The following EPCIP variants were observed in gnomAD, a reference collection of about 807,000 sequenced individuals.
EPCIP encodes exosomal polycystin 1 interacting protein, also known as exosomal polycystin-1-interacting protein.
the EPCIP span, among the ~76,000 whole-genome samples, chr21:32,804,423 G>A: frequency 6.6e-6 from 1 of 151,758 alleles, no homozygotes; most frequent in Admixed American, 6.6e-5. Flanking sequence ...TAGGATTATA[G>A]GCATGAGCCA....
chr21:32,793,990 G>A, the EPCIP span: 52 of 1,614,024 alleles, frequency 3.2e-5, no homozygotes, highest in Admixed American at 1.5e-4. Context: ...TGTCCCCACC[G>A]CTATGGATGA....
the EPCIP span, chr21:32,794,137 G>C: frequency 1.2e-6 from 2 of 1,614,144 alleles, no homozygotes; most frequent in African/African-American, 2.7e-5. Flanking sequence ...CCAGCGTGAA[G>C]TTCAGCAGGT....
the EPCIP span, among the ~76,000 whole-genome samples, chr21:32,809,222 T>TGTGTGA: frequency 2.0e-5 from 3 of 149,578 alleles, no homozygotes; most frequent in East Asian, 2.0e-4. Context: ...TGTGTGTGTG[T>TGTGTGA]GATGTCTCAC....
the EPCIP span, among the ~76,000 whole-genome samples, chr21:32,799,900 C>A: frequency 6.6e-6 from 1 of 152,206 alleles, no homozygotes; most frequent in African/African-American, 2.4e-5. Context: ...CGAGATCGCA[C>A]CACTGCACTC....
the EPCIP span, among the ~76,000 whole-genome samples, chr21:32,793,196 A>C: frequency 1.2e-3 from 190 of 152,184 alleles, no homozygotes; most frequent in African/African-American, 4.3e-3. Context: ...ACCTCAGGTG[A>C]TCCGCCCGCC....
At chr21:32,806,191 T>C in the EPCIP span, among the ~76,000 whole-genome samples, 1 of 152,148 alleles carries the variant, frequency 6.6e-6, no homozygotes, top group Non-Finnish European at 1.5e-5. Context: ...AAGGGTGACA[T>C]TGAGTGGTGG....
At chr21:32,798,544 C>G in the EPCIP span, 1 of 152,326 alleles carries the variant, frequency 6.6e-6, no homozygotes, top group African/African-American at 2.4e-5. Context: ...TAGTTTCTCT[C>G]AAGTACCCCT....
the EPCIP span, among the ~76,000 whole-genome samples, chr21:32,808,997 A>C: frequency 2.6e-5 from 4 of 152,168 alleles, no homozygotes; most frequent in African/African-American, 9.7e-5. Context: ...GTGTCTAGGC[A>C]CAACTCCAAA....
the EPCIP span, among the ~76,000 whole-genome samples, chr21:32,804,633 C>A: frequency 6.6e-6 from 1 of 151,992 alleles, no homozygotes; most frequent in African/African-American, 2.4e-5. Context: ...GTAACTGGTT[C>A]ATTTAATGCA....
the EPCIP span, chr21:32,796,930 CTG>C: frequency 2.1e-6 from 1 of 469,178 alleles, no homozygotes; most frequent in Non-Finnish European, 4.4e-6. Flanking sequence ...GTCTGCCTCC[CTG>C]TTTCAGGTGC....
the EPCIP span, among the ~76,000 whole-genome samples, chr21:32,809,605 G>A: frequency 6.6e-5 from 10 of 151,936 alleles, no homozygotes; most frequent in South Asian, 2.1e-4. Flanking sequence ...CTGGCCTCAA[G>A]AGATCTTCCC....
At chr21:32,810,382 A>G in the EPCIP span, among the ~76,000 whole-genome samples, 1 of 144,268 alleles carries the variant, frequency 6.9e-6, no homozygotes, top group African/African-American at 2.6e-5. Context: ...CAGCCTCCAG[A>G]GTAGCTGGGA....
the EPCIP span, among the ~76,000 whole-genome samples, chr21:32,792,038 G>C: frequency 6.6e-6 from 1 of 151,968 alleles, no homozygotes; most frequent in Non-Finnish European, 1.5e-5. Flanking sequence ...CTGAGTAGCT[G>C]GGATTACAGG....
the EPCIP span, chr21:32,794,049 G>A: frequency 6.2e-7 from 1 of 1,614,186 alleles, no homozygotes; most frequent in Non-Finnish European, 8.5e-7. Context: ...TTGATGCGCA[G>A]CCTCTTCAGA....
chr21:32,809,041 T>C, the EPCIP span, among the ~76,000 whole-genome samples: 2 of 151,476 alleles, frequency 1.3e-5, no homozygotes, highest in Non-Finnish European at 2.9e-5. Context: ...ACAGAGAAGA[T>C]TCTTTTTTTG....
At chr21:32,811,140 T>C in the EPCIP span, among the ~76,000 whole-genome samples, 1 of 143,584 alleles carries the variant, frequency 7.0e-6, no homozygotes, top group Non-Finnish European at 1.5e-5. Flanking sequence ...CCCCCTCCCC[T>C]TTTTTTTTTA....
At chr21:32,791,734 GAA>G in the EPCIP span, among the ~76,000 whole-genome samples, 13 of 130,402 alleles carry the variant, frequency 1.0e-4, no homozygotes, top group Admixed American at 1.6e-4. Context: ...AAGGTTAAGT[GAA>G]AAAAAAAAAA....
chr21:32,812,957 A>G, the EPCIP span, among the ~76,000 whole-genome samples: 2 of 152,162 alleles, frequency 1.3e-5, no homozygotes, highest in Non-Finnish European at 2.9e-5. Flanking sequence ...AAAAACACGA[A>G]CTATCCAATC....
chr21:32,796,861 C>G, the EPCIP span: 1 of 411,042 alleles, frequency 2.4e-6, no homozygotes, highest in African/African-American at 2.1e-5. Context: ...CTGACCCTAG[C>G]CTTAAAAGAA....
Sources: gnomAD v4.1 joint callset for allele counts (sites outside exome capture counted in the v4.1 genomes callset) on GRCh38, gnomAD v4.1.1 for gene constraint, MANE v1.5 for transcripts, NCBI Gene and HGNC (gene_info 2026-07-23, HGNC 2026-07-21) for gene names.